Variants in LMO7 observed in about 807,000 individuals in gnomAD.
LMO7 encodes the protein LIM domain 7.
A neutral mutation model predicts 206.5 loss-of-function variants in LMO7; 120 were observed. The ratio of observed to expected loss-of-function variants is 0.58; its 90% CI spans 0.50 to 0.68. The LOEUF (loss-of-function observed/expected upper bound fraction) is 0.68. Among genes scored for constraint, LMO7 ranks in the 30% least tolerant of loss-of-function variants. LMO7 has a pLI of 0.00. For missense variants in LMO7, 1,959 were observed against 1,957.9 expected (o/e 1.00, Z -0.01); for synonymous variants, 706 against 681.5 (o/e 1.04, Z -0.56).
intron 4 of LMO7, among the ~76,000 whole-genome samples, chr13:75,761,503 G>C (rs2048221736): frequency 6.6e-6 from 1 of 152,078 alleles, no homozygotes; most frequent in African/African-American, 2.4e-5. Context: ...CAGCGCCTGG[G>C]ACCAACATGT....
At chr13:75,737,268 A>C (rs1026643904) in intron 3 of LMO7, among the ~76,000 whole-genome samples, 6 of 152,230 alleles carry the variant, frequency 3.9e-5, no homozygotes, top group Middle Eastern at 3.4e-3. Flanking sequence ...ATTGCTGGCA[A>C]ATCATAGATT....
At chr13:75,651,973 C>T (rs188052739) in intron 1 of LMO7, among the ~76,000 whole-genome samples, 1 of 152,312 alleles carries the variant, frequency 6.6e-6, no homozygotes, top group African/African-American at 2.4e-5. Flanking sequence ...GAGTGTGTCA[C>T]TGCCTCCAAC....
At position 75,841,925 on chromosome 13, in the gene LMO7, C is replaced by G. The variant is rs1566596781; in HGVS notation, c.3973C>G (p.Gln1325Glu). ...AEEQKRPAEE[Q>E]KRQAEIERET... is the part of the protein sequence containing the mutation. The stretch of plus-strand genomic sequence containing the variant: ...GGAGCAGAAGCGTCCTGCGGAGGAG[C>G]AGAAGCGCCAGGCAGAGATAGAGCG... Residue 1325 changes from glutamine (Q) to glutamate (E), a missense_variant, in exon 24 of 31, where the codon CAG becomes GAG. By Grantham distance (29) the Gln-to-Glu change is conservative. Transcript: ENST00000377534. 7 of 1,613,170 alleles carry G rather than the reference C, an allele frequency of 4.3e-6. No homozygotes were observed. In the Admixed American group the frequency reaches 1.2e-4, roughly 27 times the overall value.
upstream of LMO7, among the ~76,000 whole-genome samples, chr13:75,635,587 G>C (rs189351017): frequency 1.5e-3 from 229 of 152,332 alleles, 1 homozygote; most frequent in African/African-American, 5.1e-3. Context: ...CCTAAACTGG[G>C]CTGAGCGGGC....
intron 1 of LMO7, among the ~76,000 whole-genome samples, chr13:75,659,903 C>T (rs2038411907): frequency 6.6e-6 from 1 of 152,144 alleles, no homozygotes; most frequent in Non-Finnish European, 1.5e-5. Context: ...ATTTTATTAT[C>T]CTCATTAAAT....
chr13:75,793,270 TTTTG>T (rs1026924202), intron 4 of LMO7, among the ~76,000 whole-genome samples: 1 of 152,146 alleles, frequency 6.6e-6, no homozygotes, highest in African/African-American at 2.4e-5. Context: ...AGTGCTGGGT[TTTTG>T]TTTGTTTGTT....
chr13:75,788,421 C>G (rs2052756086), intron 4 of LMO7, among the ~76,000 whole-genome samples: 2 of 140,312 alleles, frequency 1.4e-5, no homozygotes, highest in African/African-American at 5.4e-5. Flanking sequence ...GCCATTGTAC[C>G]AGCCTGGGCA....
At chr13:75,637,048 GTC>G (rs1345159377) in intron 1 of LMO7, among the ~76,000 whole-genome samples, 1 of 152,212 alleles carries the variant, frequency 6.6e-6, no homozygotes, top group Non-Finnish European at 1.5e-5. Flanking sequence ...CGCCCGGGGC[GTC>G]TCTGCGGGGC....
chr13:75,792,946 T>C (rs1390151281), intron 4 of LMO7, among the ~76,000 whole-genome samples: 1 of 152,196 alleles, frequency 6.6e-6, no homozygotes, highest in East Asian at 1.9e-4. Context: ...GATTGTTTTA[T>C]CATGATAAAA....
chr13:75,673,716 T>C (rs2039779981), intron 1 of LMO7, among the ~76,000 whole-genome samples: 1 of 152,238 alleles, frequency 6.6e-6, no homozygotes, highest in Admixed American at 6.5e-5. Context: ...CCATCTTTAT[T>C]ATATACTGTT....
intron 1 of LMO7, among the ~76,000 whole-genome samples, chr13:75,658,139 A>G (rs978366920): frequency 6.6e-6 from 1 of 151,990 alleles, no homozygotes; most frequent in Admixed American, 6.6e-5. Context: ...CTTCCTTAAA[A>G]ATATGTCAAG....
At chr13:75,840,018 A>T in intron 20 of LMO7, 67 bp from the exon 21 acceptor site, 1 of 1,474,270 alleles carries the variant, frequency 6.8e-7, no homozygotes, top group Non-Finnish European at 9.5e-7. Context: ...TTCTGAAAGG[A>T]ATTATTTCAT....
intron 1 of LMO7, among the ~76,000 whole-genome samples, chr13:75,675,313 A>G (rs2039916564): frequency 6.6e-6 from 1 of 151,962 alleles, no homozygotes; most frequent in African/African-American, 2.4e-5. Context: ...ACCTCAAATG[A>G]TCCACCCACC....
At chr13:75,697,872 C>T (rs765677108) in intron 1 of LMO7, among the ~76,000 whole-genome samples, 9 of 152,234 alleles carry the variant, frequency 5.9e-5, no homozygotes, top group Non-Finnish European at 1.2e-4. Flanking sequence ...TTGTTGAGAT[C>T]GCTTAAGGCC....
chr13:75,646,110 T>G (rs2036984327), intron 1 of LMO7, among the ~76,000 whole-genome samples: 1 of 152,144 alleles, frequency 6.6e-6, no homozygotes, highest in East Asian at 1.9e-4. Flanking sequence ...ATCTCTCCAA[T>G]GTTTCTATCT....
rs764457151 is a variant in LMO7 at position 75,804,439 on chromosome 13, A to G, written c.812A>G (p.Tyr271Cys). The G allele has an allele frequency of 1.2e-6, 2 of 1,614,196 alleles. No individual in the cohort carries two copies. ...FLPNKSRQPSYVPAPLRKKKP... is the reference protein window; with the variant it reads ...FLPNKSRQPSCVPAPLRKKKP... Reference sequence around the variant, plus strand: ...CCCAACAAAAGTAGACAGCCATCCTATGTACCAGCACCTCTGAGAAAGAAA... The same window carrying G: ...CCCAACAAAAGTAGACAGCCATCCTGTGTACCAGCACCTCTGAGAAAGAAA... The change falls in exon 8 of 31, where the codon TAT (tyrosine) becomes TGT (cysteine). Residue 271 changes from tyrosine (Y) to cysteine (C), a missense_variant. Physicochemically the swap from Tyr to Cys is radical, Grantham distance 194. Transcript: ENST00000377534.
chr13:75,773,981 A>G (rs2050067268), intron 4 of LMO7, among the ~76,000 whole-genome samples: 1 of 151,998 alleles, frequency 6.6e-6, no homozygotes, highest in African/African-American at 2.4e-5. Context: ...GTGTAAAATG[A>G]TCACTGCTGA....
chr13:75,748,836 G>A (rs1287853997), intron 3 of LMO7, among the ~76,000 whole-genome samples: 1 of 150,080 alleles, frequency 6.7e-6, no homozygotes, highest in African/African-American at 2.4e-5. Context: ...TTTGAGACAG[G>A]GTCTGGTTCT....
chr13:75,759,193 C>T (rs960084305), intron 3 of LMO7, among the ~76,000 whole-genome samples: 2 of 152,126 alleles, frequency 1.3e-5, no homozygotes, highest in Admixed American at 1.3e-4. Context: ...GATCCAATCG[C>T]CTCTCTCCCT....
Sources: allele counts gnomAD v4.1 joint callset (sites outside exome capture counted in the v4.1 genomes callset), GRCh38; gene constraint gnomAD v4.1.1; transcripts MANE v1.5; gene names NCBI Gene and HGNC (gene_info 2026-07-23, HGNC 2026-07-21).